Variants in LRRC17 observed in about 807,000 individuals in gnomAD.
LRRC17 encodes leucine-rich repeat-containing protein 17.
In LRRC17, 33 loss-of-function variants were observed where a neutral mutation model predicts 41.5. The ratio of observed to expected loss-of-function variants is 0.80; its 90% CI spans 0.60 to 1.06. The LOEUF (loss-of-function observed/expected upper bound fraction) is 1.06, where lower values mean the gene tolerates loss of function less well. Among genes scored for constraint, LRRC17 ranks in the 50% least tolerant of loss-of-function variants. The pLI is 0.00. For synonymous variants in LRRC17, 192 were observed against 197.0 expected (o/e 0.97, Z 0.21); for missense variants, 491 against 519.3 (o/e 0.95, Z 0.53).
In LRRC17 at chr7:102,933,897, G is replaced by T. The variant is rs770110031; in HGVS notation, c.-17G>T. On this transcript the variant is annotated 5_prime_UTR_variant, in exon 2 of 4. Transcript: ENST00000339431. ...CCGTCTGTAACACGAAGTAATTGGG[G>T]CCAGCTGGATGTCAGGATGCGTGTG... 1 of 1,579,316 alleles carries T rather than the reference G, an allele frequency of 6.3e-7. No homozygotes were observed. The highest frequency in any genetic ancestry group is 1.2e-5 in the South Asian group (1 of 86,362).
At chr7:102,937,883 C>A (rs1163617897) in intron 2 of LRRC17, among the ~76,000 whole-genome samples, 2 of 152,182 alleles carry the variant, frequency 1.3e-5, no homozygotes, top group Non-Finnish European at 2.9e-5. Context: ...ACATAGAGAA[C>A]TTGCATACAG....
At chr7:102,943,957 C>A (rs1821959056) in intron 3 of LRRC17, among the ~76,000 whole-genome samples, 1 of 152,138 alleles carries the variant, frequency 6.6e-6, no homozygotes, top group African/African-American at 2.4e-5. Context: ...AAAATACATT[C>A]TTGCATCATA....
Position 102,934,325 on chromosome 7 carries a change from C to T in LRRC17, c.412C>T (p.His138Tyr), listed in dbSNP as rs942809889. 2 of 1,614,016 alleles carry T rather than the reference C, an allele frequency of 1.2e-6. No individual in the cohort carries two copies. Among genetic ancestry groups the T allele is most frequent in the African/African-American group, 1.3e-5 (1 of 74,906 alleles). Reference sequence around the variant, plus strand: ...CAAACTCACCACCCTCTTACTGCAGCACAACCAGATCAAAGTCTTGACGGA... The same window carrying T: ...CAAACTCACCACCCTCTTACTGCAGTACAACCAGATCAAAGTCTTGACGGA... ...LNKLTTLLLQHNQIKVLTEEV... is the reference protein window; with the variant it reads ...LNKLTTLLLQYNQIKVLTEEV... The change falls in exon 2 of 4, where the codon CAC becomes TAC. Residue 138 changes from histidine (H) to tyrosine (Y), a missense_variant. By Grantham distance (83) the His-to-Tyr change is moderately conservative (BLOSUM62 2). Transcript: ENST00000339431.
chr7:102,944,582 G>C lies in LRRC17; in HGVS notation c.1301G>C (p.Ser434Thr), dbSNP rs1402817580. Residue 434 changes from serine (S) to threonine (T), a missense_variant, in exon 4 of 4, where the codon AGC becomes ACC. Transcript: ENST00000339431. ...AGAGATCACACCGCAAAGAAGCAAA[G>C]CGTAATAATTACTATAGTAGGATAA... The part of the protein sequence containing the change: ...KHRDHTAKKQ[S>T]VIITIVG 6.2e-7 allele frequency: 1 copy of C among 1,609,222 alleles called. No individual in the cohort carries two copies. Among genetic ancestry groups the C allele is most frequent in the African/African-American group, 1.3e-5 (1 of 74,666 alleles).
At position 102,944,602 on chromosome 7, in the gene LRRC17, G is replaced by A; in HGVS notation, c.1321G>A (p.Gly441Arg). ...GCAAAGCGTAATAATTACTATAGTA[G>A]GATAAGGTAGAAATTGTTCTGATTG... ...KKQSVIITIVG is the reference protein window; with the variant it reads ...KKQSVIITIVR Residue 441 changes from glycine (G) to arginine (R), a missense_variant, in exon 4 of 4, where the codon GGA becomes AGA. Gly to Arg is a moderately radical substitution (Grantham distance 125). Coordinates refer to ENST00000339431, the MANE Select transcript of LRRC17 (RefSeq NM_001031692.3). 1 of 1,592,630 alleles carries A rather than the reference G, an allele frequency of 6.3e-7. No individual in the cohort carries two copies. The highest frequency in any genetic ancestry group is 1.1e-5 in the South Asian group (1 of 87,122).
chr7:102,944,411 A>G lies in LRRC17; in HGVS notation c.1130A>G (p.Glu377Gly), dbSNP rs1822069454. 6.2e-7 allele frequency: 1 copy of G among 1,613,910 alleles called. No individual in the cohort carries two copies. The highest frequency in any genetic ancestry group is 1.7e-5 in the Admixed American group (1 of 59,994). Reference protein sequence around the residue: ...HHYNVHFNGLECKTPEEYKGW... With the variant: ...HHYNVHFNGLGCKTPEEYKGW... ...TACAATGTCCATTTTAATGGCCTGG[A>G]ATGCAAAACGCCTGAAGAATACAAA... The change falls in exon 4 of 4, where the codon GAA becomes GGA. Residue 377 changes from glutamate to glycine, a missense_variant. By Grantham distance (98) the Glu-to-Gly change is moderately conservative. Transcript: ENST00000339431.
chr7:102,913,572 T>C (rs985271039), intron 1 of LRRC17, among the ~76,000 whole-genome samples: 1 of 152,204 alleles, frequency 6.6e-6, no homozygotes, highest in African/African-American at 2.4e-5. Flanking sequence ...GAGTGTATTG[T>C]TGCTTTTAGG....
intron 2 of LRRC17, among the ~76,000 whole-genome samples, chr7:102,936,595 T>G (rs578109808): frequency 6.6e-6 from 1 of 152,320 alleles, no homozygotes; most frequent in Non-Finnish European, 1.5e-5. Context: ...GTGCTTAGAT[T>G]GAAAACTGGA....
intron 1 of LRRC17, chr7:102,933,251 G>A (rs1819570974): frequency 6.6e-6 from 1 of 152,012 alleles, no homozygotes; most frequent in South Asian, 2.1e-4. Context: ...CACCCAACAT[G>A]GTTGGTGACT....
intron 3 of LRRC17, among the ~76,000 whole-genome samples, chr7:102,943,235 C>A (rs1821797886): frequency 6.6e-6 from 1 of 152,068 alleles, no homozygotes; most frequent in South Asian, 2.1e-4. Flanking sequence ...CAGATCACCA[C>A]CCGGCACATT....
At chr7:102,941,924 TTCTACTGATG>T (rs1450927397) in intron 3 of LRRC17, among the ~76,000 whole-genome samples, 1 of 152,150 alleles carries the variant, frequency 6.6e-6, no homozygotes, top group East Asian at 1.9e-4. Flanking sequence ...CTTGCCTTGC[TTCTACTGATG>T]TTTTTCACAT....
chr7:102,931,674 C>T (rs12673840), intron 1 of LRRC17, among the ~76,000 whole-genome samples: 7,212 of 152,216 alleles, frequency 0.047, 261 homozygotes, highest in South Asian at 0.13. Flanking sequence ...TTCTACTTGC[C>T]AGAGGCTCCA....
In LRRC17 at chr7:102,935,891, G is replaced by A. The variant is rs181303647; in HGVS notation, c.772+1206G>A. ...TTGTTTCTTTAAGGGCAAGAGAAAG[G>A]GGAAGTTCAGAGAGGAGGCCGTGGC... On this transcript the variant is annotated intron_variant, in intron 2 of 3. Coordinates refer to ENST00000339431, the MANE Select transcript of LRRC17 (RefSeq NM_001031692.3). Among the ~76,000 whole-genome samples, 15 of 152,294 alleles carry A rather than the reference G, an allele frequency of 9.8e-5. No individual in the cohort carries two copies. The East Asian group carries it at 2.9e-3, about 29-fold the overall frequency.
chr7:102,932,484 T>C lies in LRRC17; in HGVS notation c.-140-1290T>C, dbSNP rs1178688038. Among the ~76,000 whole-genome samples, 5 of 9,402 alleles carry C rather than the reference T, an allele frequency of 5.3e-4. No homozygotes were observed. The Admixed American group carries it at 7.2e-3, about 13-fold the overall frequency. The allele number at this position is 9,402 out of a possible 152,430, so 6.2% of individuals were successfully genotyped here. A position where few individuals can be genotyped will look rare whatever the true frequency, so the allele number is the denominator to read the frequency against. On this transcript the variant is annotated intron_variant, in intron 1 of 3. Transcript: ENST00000339431. ...TTTCAAAGTAAGTTGCAGACACCAGTACACTTCCCCCCAAATACTTCAACA... is the reference window on the plus strand; with the variant it reads ...TTTCAAAGTAAGTTGCAGACACCAGCACACTTCCCCCCAAATACTTCAACA...
At chr7:102,940,371 G>A (rs999799872) in intron 3 of LRRC17, among the ~76,000 whole-genome samples, 14 of 151,276 alleles carry the variant, frequency 9.3e-5, no homozygotes, top group South Asian at 6.3e-4. Context: ...CACCACGCCC[G>A]GCTAATTTTT....
intron 1 of LRRC17, among the ~76,000 whole-genome samples, chr7:102,915,076 A>T (rs924617839): frequency 6.6e-6 from 1 of 151,990 alleles, no homozygotes; most frequent in African/African-American, 2.4e-5. Flanking sequence ...CAACCTCCCT[A>T]ATCTCTCAGA....
At chr7:102,941,551 C>T (rs1821436184) in intron 3 of LRRC17, among the ~76,000 whole-genome samples, 1 of 152,128 alleles carries the variant, frequency 6.6e-6, no homozygotes, top group Non-Finnish European at 1.5e-5. Flanking sequence ...ATTGCAATTC[C>T]CCTGTCTTGA....
chr7:102,919,562 T>C (rs1816582936), intron 1 of LRRC17, among the ~76,000 whole-genome samples: 1 of 152,184 alleles, frequency 6.6e-6, no homozygotes, highest in South Asian at 2.1e-4. Flanking sequence ...AAAAGGAAAG[T>C]CTTGCAAGCA....
intron 1 of LRRC17, among the ~76,000 whole-genome samples, chr7:102,930,614 C>T (rs1818982451): frequency 6.6e-6 from 1 of 152,166 alleles, no homozygotes; most frequent in Non-Finnish European, 1.5e-5. Flanking sequence ...CACTTTGGTT[C>T]TTTCTGAAAC....
Sources: allele counts gnomAD v4.1 joint callset (sites outside exome capture counted in the v4.1 genomes callset), GRCh38; gene constraint gnomAD v4.1.1; transcripts MANE v1.5; gene names NCBI Gene and HGNC (gene_info 2026-07-23, HGNC 2026-07-21).